Variants in SLC8A1 observed in about 807,000 individuals in gnomAD.
The protein encoded by SLC8A1 is solute carrier family 8 member A1.
A neutral mutation model predicts 68.3 loss-of-function variants in SLC8A1; 18 were observed. That is an observed-to-expected ratio of 0.26 (90% CI 0.18 to 0.39). The LOEUF (loss-of-function observed/expected upper bound fraction) is 0.39, where lower values mean the gene tolerates loss of function less well. SLC8A1 is among the 10% of genes least tolerant of loss of function. SLC8A1 has a pLI of 1.00. For synonymous variants in SLC8A1, 475 were observed against 415.5 expected (o/e 1.14, Z -1.74); for missense variants, 985 against 1,156.7 (o/e 0.85, Z 2.15).
chr2:40,504,662 A>G (rs1188613354), intron 1 of SLC8A1, among the ~76,000 whole-genome samples: 1 of 152,086 alleles, frequency 6.6e-6, no homozygotes, highest in African/African-American at 2.4e-5. Flanking sequence ...ATTTGAATAG[A>G]CAGTTCTCAA....
intron 6 of SLC8A1, among the ~76,000 whole-genome samples, chr2:40,149,427 C>A (rs2043025055): frequency 6.6e-6 from 1 of 152,148 alleles, no homozygotes; most frequent in South Asian, 2.1e-4. Context: ...ATAATGAAGT[C>A]TGGTGACTGG....
At chr2:40,301,316 C>T (rs1222586385) in intron 2 of SLC8A1, among the ~76,000 whole-genome samples, 7 of 152,156 alleles carry the variant, frequency 4.6e-5, no homozygotes, top group Admixed American at 4.6e-4. Context: ...ATAACTTGTC[C>T]AAGGCCACAA....
At chr2:40,429,474 G>A in exon 2 of SLC8A1, 1 of 1,613,764 alleles carries the variant, frequency 6.2e-7, no homozygotes, top group Non-Finnish European at 8.5e-7. Flanking sequence ...CCCTCTGCTT[G>A]CCAGCTCGAT....
chr2:40,465,666 T>C (rs1703627269), intron 1 of SLC8A1, among the ~76,000 whole-genome samples: 1 of 152,198 alleles, frequency 6.6e-6, no homozygotes, highest in Admixed American at 6.5e-5. Flanking sequence ...AGAATTTTAA[T>C]ATATATACAT....
At chr2:40,165,750 C>T (rs192356011) in intron 4 of SLC8A1, among the ~76,000 whole-genome samples, 6 of 152,038 alleles carry the variant, frequency 3.9e-5, no homozygotes, top group South Asian at 2.1e-4. Flanking sequence ...CAGGAGAGGA[C>T]GGTGGGTGCT....
upstream of SLC8A1, chr2:40,452,157 C>A (rs1158584792): frequency 9.4e-3 from 1 of 106 alleles, no homozygotes; most frequent in Non-Finnish European, 0.038. Flanking sequence ...GGCCGGGGCC[C>A]GGGCGCGCGC....
intron 2 of SLC8A1, among the ~76,000 whole-genome samples, chr2:40,416,558 A>C (rs925081431): frequency 6.6e-6 from 1 of 152,116 alleles, no homozygotes. Context: ...AGGACAGCAA[A>C]CATTTTTGAG....
At chr2:40,318,318 T>C (rs1293766958) in intron 2 of SLC8A1, among the ~76,000 whole-genome samples, 1 of 151,980 alleles carries the variant, frequency 6.6e-6, no homozygotes, top group Non-Finnish European at 1.5e-5. Context: ...TGGGCATCTG[T>C]CTTTTAAAAA....
intron 2 of SLC8A1, among the ~76,000 whole-genome samples, chr2:40,393,920 C>T (rs7557545): frequency 0.2 from 29,755 of 151,954 alleles, 3,313 homozygotes; most frequent in African/African-American, 0.3. Context: ...TCAAATACCC[C>T]ACCACAAGCC....
intron 1 of SLC8A1, among the ~76,000 whole-genome samples, chr2:40,492,185 C>T (rs571307825): frequency 2.2e-4 from 33 of 151,836 alleles, no homozygotes; most frequent in African/African-American, 6.8e-4. Context: ...TCAGAAATAA[C>T]GCCACATATC....
intron 2 of SLC8A1, among the ~76,000 whole-genome samples, chr2:40,352,297 A>T (rs1162673129): frequency 6.6e-6 from 1 of 152,152 alleles, no homozygotes. Flanking sequence ...AATTAAGAAC[A>T]TTATCTCTGA....
rs76210062 is a variant in SLC8A1, at chr2:40,286,214, T to C, written c.1809-108359A>G. ...TGGACTCTTTCATTCAAACTATTTT[T>C]ACTCCATTTTATCTTCAAGAGAAGA... On this transcript the variant is annotated intron_variant, in intron 2 of 7. Coordinates refer to ENST00000406785, the Ensembl canonical transcript of SLC8A1. Among the ~76,000 whole-genome samples the C allele has an allele frequency of 7.8e-3, 1,193 of 152,294 alleles. 11 individuals are homozygous for C. The highest frequency in any genetic ancestry group is 0.028 in the African/African-American group (1,146 of 41,566).
chr2:40,327,930 T>C (rs2076019745), intron 2 of SLC8A1, among the ~76,000 whole-genome samples: 1 of 149,364 alleles, frequency 6.7e-6, no homozygotes, highest in Admixed American at 6.7e-5. Flanking sequence ...AATAAATAAG[T>C]AAATAAATAC....
rs6721197 is a variant in SLC8A1 at position 40,126,389 on chromosome 2, G to C, written c.2438-10760C>G. The stretch of plus-strand genomic sequence containing the variant: ...CACTGGGATCTTACTGTGATCATTT[G>C]TTGGATATTCCAAAGTCCTAACTAA... On this transcript the variant is annotated intron_variant, in intron 7 of 7. Coordinates refer to ENST00000406785, the Ensembl canonical transcript of SLC8A1. Among the ~76,000 whole-genome samples, 277 of 152,306 alleles carry C rather than the reference G, an allele frequency of 1.8e-3. 2 individuals are homozygous for C. The highest frequency in any genetic ancestry group is 6.2e-3 in the African/African-American group (259 of 41,564).
chr2:40,119,926 A>T (rs997337482), intron 7 of SLC8A1, among the ~76,000 whole-genome samples: 1 of 152,208 alleles, frequency 6.6e-6, no homozygotes, highest in African/African-American at 2.4e-5. Context: ...TCACAAAGTC[A>T]GGACGTAATT....
chr2:40,224,084 G>A (rs1053384703), intron 2 of SLC8A1, among the ~76,000 whole-genome samples: 2 of 152,112 alleles, frequency 1.3e-5, no homozygotes, highest in African/African-American at 2.4e-5. Flanking sequence ...TGGAATGTTC[G>A]CTTCGTAGGG....
At chr2:40,127,963 G>A (rs2038502000) in intron 7 of SLC8A1, among the ~76,000 whole-genome samples, 1 of 152,170 alleles carries the variant, frequency 6.6e-6, no homozygotes. Context: ...GGTGAACAAT[G>A]CAAAGCATCT....
intron 1 of SLC8A1, among the ~76,000 whole-genome samples, chr2:40,447,588 TA>T (rs139695930): frequency 0.16 from 22,675 of 139,014 alleles, 1,898 homozygotes; most frequent in Non-Finnish European, 0.2. Context: ...CAATCCAAGT[TA>T]AAAAAAAAAA....
intron 2 of SLC8A1, among the ~76,000 whole-genome samples, chr2:40,225,590 C>A (rs530675103): frequency 3.3e-5 from 5 of 152,210 alleles, no homozygotes; most frequent in South Asian, 2.1e-4. Flanking sequence ...GTAAAAGGTG[C>A]CTAATTTCTG....
Sources: gnomAD v4.1 joint callset for allele counts (sites outside exome capture counted in the v4.1 genomes callset) on GRCh38, gnomAD v4.1.1 for gene constraint, MANE v1.5 for transcripts, NCBI Gene and HGNC (gene_info 2026-07-23, HGNC 2026-07-21) for gene names.